C7orf78: variants seen among roughly 807,000 people sequenced by gnomAD.
C7orf78 encodes putative uncharacterized protein C7orf78.
At chr7:12,489,066 A>G in the C7orf78 span, among the ~76,000 whole-genome samples, 2 of 152,076 alleles carry the variant, frequency 1.3e-5, no homozygotes, top group Non-Finnish European at 2.9e-5. Context: ...TATTTGCAAT[A>G]TAAAAGAATT....
the C7orf78 span, among the ~76,000 whole-genome samples, chr7:12,501,996 T>C: frequency 7.9e-5 from 2 of 25,158 alleles, no homozygotes; most frequent in African/African-American, 1.5e-4. Flanking sequence ...ATTCCCTATT[T>C]AATAAATGGT....
chr7:12,484,879 C>T, the C7orf78 span, among the ~76,000 whole-genome samples: 2 of 152,050 alleles, frequency 1.3e-5, no homozygotes, highest in Admixed American at 6.6e-5. Context: ...AATGCTCCTC[C>T]CCCAAATTTG....
At chr7:12,494,582 GTACA>G in the C7orf78 span, among the ~76,000 whole-genome samples, 4 of 151,880 alleles carry the variant, frequency 2.6e-5, no homozygotes, top group African/African-American at 9.7e-5. Context: ...TGATAGCATC[GTACA>G]TTATTAGGTG....
the C7orf78 span, among the ~76,000 whole-genome samples, chr7:12,502,996 C>T: frequency 6.7e-6 from 1 of 149,638 alleles, no homozygotes; most frequent in East Asian, 1.9e-4. Flanking sequence ...AAAAACCAAA[C>T]ACTGCATATT....
chr7:12,498,738 G>A, the C7orf78 span, among the ~76,000 whole-genome samples: 64,450 of 144,924 alleles, frequency 0.44, 14,729 homozygotes, highest in African/African-American at 0.49. Flanking sequence ...AGAGAACGCC[G>A]CAAAGATACT....
the C7orf78 span, among the ~76,000 whole-genome samples, chr7:12,497,372 C>A: frequency 2.0e-5 from 3 of 152,294 alleles, no homozygotes; most frequent in Non-Finnish European, 4.4e-5. Context: ...GTGCGCACAC[C>A]GTGCGCGAGC....
the C7orf78 span, among the ~76,000 whole-genome samples, chr7:12,514,190 T>TAG: frequency 2.6e-5 from 4 of 152,236 alleles, no homozygotes; most frequent in Middle Eastern, 6.8e-3. Context: ...TGTCTCTCTT[T>TAG]AGATTTAGTA....
At chr7:12,484,917 T>C in the C7orf78 span, among the ~76,000 whole-genome samples, 2 of 152,162 alleles carry the variant, frequency 1.3e-5, no homozygotes, top group Non-Finnish European at 2.9e-5. Context: ...TAGGTAAATA[T>C]CTGTCCTCTT....
chr7:12,507,417 GA>G, the C7orf78 span: 1 of 186,254 alleles, frequency 5.4e-6, no homozygotes, highest in Non-Finnish European at 1.2e-5. Flanking sequence ...CCAGCACTAA[GA>G]AAAAGCCATC....
the C7orf78 span, among the ~76,000 whole-genome samples, chr7:12,503,196 C>A: frequency 3.6e-4 from 48 of 133,440 alleles, no homozygotes; most frequent in Non-Finnish European, 6.5e-4. Flanking sequence ...AACTAAGCTG[C>A]ACAATGTGCA....
chr7:12,498,622 A>G, the C7orf78 span, among the ~76,000 whole-genome samples: 1 of 152,214 alleles, frequency 6.6e-6, no homozygotes, highest in Non-Finnish European at 1.5e-5. Flanking sequence ...TGTACCTGAA[A>G]GTGACCAGGA....
the C7orf78 span, among the ~76,000 whole-genome samples, chr7:12,532,955 T>A: frequency 1.5e-4 from 23 of 152,286 alleles, no homozygotes; most frequent in East Asian, 4.1e-3. Flanking sequence ...GAATTTGTTT[T>A]AAGTGGTGGA....
At chr7:12,489,875 C>T in the C7orf78 span, among the ~76,000 whole-genome samples, 2 of 152,018 alleles carry the variant, frequency 1.3e-5, no homozygotes, top group Non-Finnish European at 2.9e-5. Context: ...CAGGTGGCAT[C>T]GACATTTGCT....
the C7orf78 span, among the ~76,000 whole-genome samples, chr7:12,488,470 A>G: frequency 6.6e-6 from 1 of 152,148 alleles, no homozygotes; most frequent in Non-Finnish European, 1.5e-5. Flanking sequence ...CTTTTAGAAT[A>G]GTTATTGGAA....
At chr7:12,517,511 C>G in the C7orf78 span, among the ~76,000 whole-genome samples, 1 of 152,144 alleles carries the variant, frequency 6.6e-6, no homozygotes, top group African/African-American at 2.4e-5. Context: ...TCTGAGATAA[C>G]AAAAATTCAT....
At chr7:12,498,933 C>T in the C7orf78 span, among the ~76,000 whole-genome samples, 1 of 151,890 alleles carries the variant, frequency 6.6e-6, no homozygotes, top group East Asian at 1.9e-4. Context: ...CAATATTCAA[C>T]ATTCTTAAAG....
chr7:12,530,296 A>C, the C7orf78 span: 2 of 152,170 alleles, frequency 1.3e-5, no homozygotes, highest in Admixed American at 1.3e-4. Context: ...AAGATATGAG[A>C]CTGTCTGCAA....
At chr7:12,529,538 C>T in the C7orf78 span, among the ~76,000 whole-genome samples, 1 of 152,222 alleles carries the variant, frequency 6.6e-6, no homozygotes, top group Non-Finnish European at 1.5e-5. Flanking sequence ...AACACAGTCT[C>T]AGGAGGTTCT....
At chr7:12,512,110 G>A in the C7orf78 span, among the ~76,000 whole-genome samples, 1 of 151,418 alleles carries the variant, frequency 6.6e-6, no homozygotes, top group Non-Finnish European at 1.5e-5. Flanking sequence ...TTTTTTTAGT[G>A]GAGACTTTTG....
Sources: gnomAD v4.1 joint callset for allele counts (sites outside exome capture counted in the v4.1 genomes callset) on GRCh38, gnomAD v4.1.1 for gene constraint, MANE v1.5 for transcripts, NCBI Gene and HGNC (gene_info 2026-07-23, HGNC 2026-07-21) for gene names.